Variants in IPCEF1 observed in about 807,000 individuals in gnomAD.
IPCEF1 encodes interactor protein for cytohesin exchange factors 1.
Under a neutral mutation model 50.9 loss-of-function variants are expected in IPCEF1, and 31 were observed. That is an observed-to-expected ratio of 0.61 (90% CI 0.46 to 0.82). The LOEUF is 0.82. Among genes scored for constraint, IPCEF1 ranks in the 40% least tolerant of loss-of-function variants. IPCEF1 has a pLI of 0.00. For synonymous variants in IPCEF1, 181 were observed against 192.0 expected (o/e 0.94, Z 0.47); for missense variants, 458 against 514.0 (o/e 0.89, Z 1.05).
intron 2 of IPCEF1, among the ~76,000 whole-genome samples, chr6:154,282,418 C>A (rs1208837432): frequency 6.6e-6 from 1 of 152,132 alleles, no homozygotes; most frequent in East Asian, 1.9e-4. Context: ...CGCGGTGGCT[C>A]ACGCCTGTAA....
intron 1 of IPCEF1, among the ~76,000 whole-genome samples, chr6:154,295,005 T>C (rs759879932): frequency 4.6e-5 from 7 of 152,200 alleles, no homozygotes; most frequent in South Asian, 2.1e-4. Flanking sequence ...GAGACCAGCC[T>C]GGCTAACACG....
Position 154,160,115 on chromosome 6 carries a change from C to G in IPCEF1, c.1105-75G>C, listed in dbSNP as rs1049876500. Reference sequence around the variant, plus strand: ...TTTACATAAACCATCTTTACCAACTCTTTTACAAGTACACATATACATAAA... The same window carrying G: ...TTTACATAAACCATCTTTACCAACTGTTTTACAAGTACACATATACATAAA... On this transcript the variant is annotated intron_variant, in intron 11 of 11. Coordinates refer to ENST00000367220, the MANE Select transcript of IPCEF1 (RefSeq NM_001130700.2). 16 of 1,132,622 alleles carry G rather than the reference C, an allele frequency of 1.4e-5. No homozygotes were observed. The East Asian group carries it at 3.8e-4, about 27-fold the overall frequency. The allele number at this position is 1,132,622 out of a possible 1,614,324, so 70.2% of individuals were successfully genotyped here. A position where few individuals can be genotyped will look rare whatever the true frequency, so the allele number is the denominator to read the frequency against.
chr6:154,171,967 T>A (rs1355661499), intron 10 of IPCEF1, among the ~76,000 whole-genome samples: 1 of 152,170 alleles, frequency 6.6e-6, no homozygotes, highest in African/African-American at 2.4e-5. Context: ...TTAACAAACA[T>A]CAACAAGCAA....
intron 1 of IPCEF1, among the ~76,000 whole-genome samples, chr6:154,301,986 T>A (rs573752759): frequency 6.6e-6 from 1 of 152,352 alleles, no homozygotes; most frequent in South Asian, 2.1e-4. Context: ...TGAGCGCTCA[T>A]GGAGTTTTGC....
At position 154,331,403 on chromosome 6, in the gene IPCEF1, GAA is replaced by G. The variant is rs1491127458; in HGVS notation, c.-62+25267_-62+25268del. On this transcript the variant is annotated intron_variant, in intron 1 of 11. Transcript: ENST00000367220. Reference sequence around the variant, plus strand: ...AGAAAGAAAGAAAGAAAGAAAGAAAGAAAGAGAGAGAAAAAGAAAGAGAGAGA... The same window carrying G: ...AGAAAGAAAGAAAGAAAGAAAGAAAGAGAGAGAGAAAAAGAAAGAGAGAGA... Among the ~76,000 whole-genome samples the G allele has an allele frequency of 8.7e-3, 1,164 of 133,110 alleles. 11 individuals carry two copies. The highest frequency in any genetic ancestry group is 0.012 in the Non-Finnish European group (772 of 62,628). 87.3% of individuals were successfully genotyped at this position (133,110 alleles called of 152,430 possible). A position where few individuals can be genotyped will look rare whatever the true frequency, so the allele number is the denominator to read the frequency against.
chr6:154,236,650 G>T lies in IPCEF1; in HGVS notation c.246+9941C>A, dbSNP rs75388870. Among the ~76,000 whole-genome samples, 767 of 152,310 alleles carry T rather than the reference G, an allele frequency of 5.0e-3. 11 individuals are homozygous for T. The highest frequency in any genetic ancestry group is 0.018 in the African/African-American group (731 of 41,564). On this transcript the variant is annotated intron_variant, in intron 5 of 11. Transcript: ENST00000367220. ...CCAAGGTAAGTTTTACAAGATTCAAGGTGTGAAAATATCAGTGGCTGACCT... is the reference window on the plus strand; with the variant it reads ...CCAAGGTAAGTTTTACAAGATTCAATGTGTGAAAATATCAGTGGCTGACCT...
intron 10 of IPCEF1, among the ~76,000 whole-genome samples, chr6:154,197,310 C>A (rs1776697450): frequency 6.6e-6 from 1 of 152,104 alleles, no homozygotes. Flanking sequence ...TTTGATTACT[C>A]AACAGCAAGT....
At chr6:154,351,999 G>C (rs749768560) in intron 1 of IPCEF1, among the ~76,000 whole-genome samples, 1 of 152,196 alleles carries the variant, frequency 6.6e-6, no homozygotes. Flanking sequence ...GGGAGAGGGA[G>C]AGCATCAGGA....
At chr6:154,256,874 A>T (rs1277795632) in intron 3 of IPCEF1, among the ~76,000 whole-genome samples, 1 of 152,196 alleles carries the variant, frequency 6.6e-6, no homozygotes, top group Non-Finnish European at 1.5e-5. Context: ...AATACATGGT[A>T]TGATACCTTC....
intron 1 of IPCEF1, among the ~76,000 whole-genome samples, chr6:154,320,595 G>A (rs1338186353): frequency 1.3e-5 from 2 of 152,180 alleles, no homozygotes; most frequent in East Asian, 1.9e-4. Flanking sequence ...GGAATAATAA[G>A]AAAAGCTGTT....
At chr6:154,260,131 T>C (rs1781559726) in intron 3 of IPCEF1, among the ~76,000 whole-genome samples, 1 of 152,196 alleles carries the variant, frequency 6.6e-6, no homozygotes, top group Non-Finnish European at 1.5e-5. Context: ...AGAGCTGTCT[T>C]GTGAAGTAAA....
chr6:154,235,788 G>A (rs1034716821), intron 5 of IPCEF1, among the ~76,000 whole-genome samples: 40 of 152,254 alleles, frequency 2.6e-4, no homozygotes, highest in African/African-American at 8.4e-4. Context: ...AAGCACATGC[G>A]AAAGTTGCTC....
intron 10 of IPCEF1, among the ~76,000 whole-genome samples, chr6:154,195,416 G>T (rs941633405): frequency 5.9e-5 from 9 of 151,948 alleles, no homozygotes; most frequent in Non-Finnish European, 1.2e-4. Flanking sequence ...CAAAGTGCTG[G>T]GATTACAGGT....
At chr6:154,318,270 C>T (rs1783277845) in intron 1 of IPCEF1, among the ~76,000 whole-genome samples, 1 of 152,130 alleles carries the variant, frequency 6.6e-6, no homozygotes, top group Non-Finnish European at 1.5e-5. Context: ...CATGAACATA[C>T]ACATTTGTCA....
intron 1 of IPCEF1, among the ~76,000 whole-genome samples, chr6:154,338,533 G>A (rs1421448237): frequency 1.3e-5 from 2 of 152,166 alleles, no homozygotes; most frequent in African/African-American, 2.4e-5. Context: ...ACTGATGTAT[G>A]AGTTAGACAG....
At chr6:154,303,252 C>T (rs11970378) in intron 1 of IPCEF1, among the ~76,000 whole-genome samples, 18,659 of 151,904 alleles carry the variant, frequency 0.12, 2,313 homozygotes, top group African/African-American at 0.32. Context: ...CCACCACGCC[C>T]GGGTAATCTT....
intron 2 of IPCEF1, among the ~76,000 whole-genome samples, chr6:154,274,919 G>A (rs1369731155): frequency 6.6e-6 from 1 of 152,190 alleles, no homozygotes; most frequent in Non-Finnish European, 1.5e-5. Context: ...GTTGTCTTAA[G>A]TTCCATGACA....
At chr6:154,268,848 A>G (rs1781824337) in intron 2 of IPCEF1, among the ~76,000 whole-genome samples, 1 of 151,702 alleles carries the variant, frequency 6.6e-6, no homozygotes, top group Admixed American at 6.6e-5. Context: ...GATGGCTTAT[A>G]CCATCTAATT....
chr6:154,246,928 A>T, intron 4 of IPCEF1, 168 bp from the exon 5 acceptor site: 2 of 477,084 alleles, frequency 4.2e-6, no homozygotes, highest in Non-Finnish European at 6.2e-6. Flanking sequence ...CCTATGCAAA[A>T]CCAATGCAAA....
Sources: gnomAD v4.1 joint callset for allele counts (sites outside exome capture counted in the v4.1 genomes callset) on GRCh38, gnomAD v4.1.1 for gene constraint, MANE v1.5 for transcripts, NCBI Gene and HGNC (gene_info 2026-07-23, HGNC 2026-07-21) for gene names.